DNAH9: variants seen among roughly 807,000 people sequenced by gnomAD.
DNAH9 encodes the protein dynein axonemal heavy chain 9.
Under a neutral mutation model 471.6 loss-of-function variants are expected in DNAH9, and 345 were observed. The observed-to-expected ratio is 0.73, with a 90% CI of 0.67 to 0.80. The LOEUF (loss-of-function observed/expected upper bound fraction) is 0.80. DNAH9 is among the 30% of genes least tolerant of loss of function. DNAH9 has a pLI of 0.00. For synonymous variants in DNAH9, 2,093 were observed against 2,123.6 expected (o/e 0.99, Z 0.40); for missense variants, 5,407 against 5,609.2 (o/e 0.96, Z 1.15).
intron 67 of DNAH9, among the ~76,000 whole-genome samples, chr17:11,945,733 T>C (rs368559761): frequency 6.7e-6 from 1 of 150,302 alleles, no homozygotes; most frequent in Non-Finnish European, 1.5e-5. Context: ...AAAGTGAGAA[T>C]TGCACTACTA....
rs897533129 is a variant in DNAH9 at position 11,822,866 on chromosome 17, C to A, written c.9078C>A (p.Ser3026=). Residue 3026 remains serine (S), a synonymous_variant, in exon 48 of 69, where the codon TCC becomes TCA. Coordinates refer to ENST00000262442, the MANE Select transcript of DNAH9 (RefSeq NM_001372.4). ...TCCACACAAGTGTCAACCAAACATC[C>A]CAGTCTTATCTGAGCAATGAACAGC... is the stretch of plus-strand genomic sequence containing the variant. The part of the protein sequence containing the change: ...AFVHTSVNQT[S]QSYLSNEQRY... The A allele has an allele frequency of 6.2e-7, 1 of 1,614,080 alleles. No individual in the cohort carries two copies. Among genetic ancestry groups the A allele is most frequent in the Admixed American group, 1.7e-5 (1 of 59,996 alleles).
intron 59 of DNAH9, among the ~76,000 whole-genome samples, chr17:11,899,542 C>T (rs544706550): frequency 2.0e-5 from 3 of 152,316 alleles, no homozygotes; most frequent in Admixed American, 6.5e-5. Flanking sequence ...CCCTTTGCCT[C>T]ATTTGGAAGA....
chr17:11,805,520 GTTCTTTTTTTTTTTT>G (rs1969634474), intron 43 of DNAH9, among the ~76,000 whole-genome samples: 1 of 67,986 alleles, frequency 1.5e-5, no homozygotes, highest in Non-Finnish European at 2.9e-5. Context: ...CTTTACCCGA[GTTCTTTTTTTTTTTT>G]TTTTTTTTTT....
chr17:11,648,563 G>A (rs901948241), intron 12 of DNAH9, among the ~76,000 whole-genome samples: 6 of 152,128 alleles, frequency 3.9e-5, no homozygotes, highest in Non-Finnish European at 8.8e-5. Flanking sequence ...ACTTGGTCAT[G>A]TATTGAAGAT....
intron 15 of DNAH9, among the ~76,000 whole-genome samples, chr17:11,668,664 C>CAAAAA (rs56347198): frequency 3.0e-5 from 3 of 100,534 alleles, no homozygotes; most frequent in East Asian, 3.4e-4. Flanking sequence ...GACTGCATCT[C>CAAAAA]AAAAAAAAAA....
intron 50 of DNAH9, 30 bp from the exon 51 acceptor site, chr17:11,869,104 C>G: frequency 6.2e-7 from 1 of 1,609,090 alleles, no homozygotes; most frequent in Non-Finnish European, 8.5e-7. Context: ...GCCGAAATGA[C>G]TGATGGTCCT....
intron 45 of DNAH9, among the ~76,000 whole-genome samples, chr17:11,815,728 G>A (rs1970074399): frequency 6.6e-6 from 1 of 152,168 alleles, no homozygotes; most frequent in South Asian, 2.1e-4. Flanking sequence ...GCTTGAGGCT[G>A]CAATGAGTTG....
chr17:11,702,124 GAGC>G (rs1299883709), intron 24 of DNAH9, among the ~76,000 whole-genome samples: 1 of 152,244 alleles, frequency 6.6e-6, no homozygotes, highest in African/African-American at 2.4e-5. Context: ...TGGGAGCAAA[GAGC>G]AACCAAGTAG....
In DNAH9 at chr17:11,632,661, T is replaced by C; in HGVS notation, c.1593T>C (p.Ile531=). 1 of 1,611,094 alleles carries C rather than the reference T, an allele frequency of 6.2e-7. No individual in the cohort carries two copies. ...ACCGAAGATTGGGGACTATCTTTAT[T>C]CAAGCTTTTGATGATGCACCTGGCT... ...DLDRRLGTIF[I]QAFDDAPGLE... The change falls in exon 8 of 69, where the codon ATT becomes ATC. Residue 531 remains isoleucine, a synonymous_variant. Coordinates refer to ENST00000262442, the MANE Select transcript of DNAH9 (RefSeq NM_001372.4).
chr17:11,772,844 CAT>C (rs1485694755), intron 38 of DNAH9, among the ~76,000 whole-genome samples: 2 of 152,198 alleles, frequency 1.3e-5, no homozygotes, highest in Non-Finnish European at 2.9e-5. Context: ...AGAGTAGCAG[CAT>C]ATATGTTACA....
At chr17:11,713,363 A>C (rs1313956568) in intron 26 of DNAH9, among the ~76,000 whole-genome samples, 3 of 152,140 alleles carry the variant, frequency 2.0e-5, no homozygotes, top group African/African-American at 7.2e-5. Context: ...CAATGAACAT[A>C]TGCATGCATG....
At chr17:11,826,729 T>A (rs1970509311) in intron 48 of DNAH9, among the ~76,000 whole-genome samples, 1 of 151,704 alleles carries the variant, frequency 6.6e-6, no homozygotes, top group East Asian at 1.9e-4. Context: ...CCCAAAGTGC[T>A]GGGATTACAA....
intron 19 of DNAH9, among the ~76,000 whole-genome samples, chr17:11,685,170 G>T (rs2074218266): frequency 6.6e-6 from 1 of 152,132 alleles, no homozygotes; most frequent in African/African-American, 2.4e-5. Context: ...CCCGCCCAGG[G>T]AGGCAGTTCA....
Position 11,757,505 on chromosome 17 carries a change from A to G in DNAH9, c.6848-40A>G, listed in dbSNP as rs752960634. ...CCTGGGGTGAAAAATATAATGATGTATATGGAATATTCACTAAACTGTATT... is the reference window on the plus strand; with the variant it reads ...CCTGGGGTGAAAAATATAATGATGTGTATGGAATATTCACTAAACTGTATT... On this transcript the variant is annotated intron_variant, in intron 34 of 68. Transcript: ENST00000262442. 14 of 1,552,628 alleles carry G rather than the reference A, an allele frequency of 9.0e-6. No individual in the cohort carries two copies. In the Admixed American group the frequency reaches 1.7e-4, roughly 19 times the overall value.
chr17:11,736,993 G>A (rs1597569865), intron 28 of DNAH9, among the ~76,000 whole-genome samples: 1 of 152,304 alleles, frequency 6.6e-6, no homozygotes. Context: ...ACCAGCCTTT[G>A]CCAGTCACGT....
chr17:11,843,710 G>A (rs1971105786), intron 49 of DNAH9, among the ~76,000 whole-genome samples: 1 of 150,660 alleles, frequency 6.6e-6, no homozygotes, highest in African/African-American at 2.4e-5. Context: ...AGTGTGCATT[G>A]TTTATTTTAA....
At chr17:11,918,180 T>G (rs3785939) in intron 61 of DNAH9, among the ~76,000 whole-genome samples, 38,631 of 151,840 alleles carry the variant, frequency 0.25, 5,326 homozygotes, top group East Asian at 0.47. Flanking sequence ...ACCCCATTCT[T>G]TTTTCTTGTA....
intron 43 of DNAH9, among the ~76,000 whole-genome samples, chr17:11,798,661 G>A (rs564056881): frequency 1.5e-4 from 23 of 151,898 alleles, no homozygotes; most frequent in Non-Finnish European, 2.2e-4. Flanking sequence ...AGCGCTCACT[G>A]CCCTCCAAAA....
In DNAH9 at chr17:11,617,395, C is replaced by T. The variant is rs753966275; in HGVS notation, c.905-16C>T. On this transcript the variant is annotated splice_polypyrimidine_tract_variant and intron_variant, in intron 4 of 68. Transcript: ENST00000262442. ...GGCTCCAGATGGGAATGCTGACCATCTCCAATTCCTTCCAGCTCTAGCAGA... is the reference window on the plus strand; with the variant it reads ...GGCTCCAGATGGGAATGCTGACCATTTCCAATTCCTTCCAGCTCTAGCAGA... The T allele has an allele frequency of 7.5e-6, 12 of 1,599,834 alleles. No individual in the cohort carries two copies. In the South Asian group the frequency reaches 1.3e-4, roughly 18 times the overall value.
Sources: gnomAD v4.1 joint callset for allele counts (sites outside exome capture counted in the v4.1 genomes callset) on GRCh38, gnomAD v4.1.1 for gene constraint, MANE v1.5 for transcripts, NCBI Gene and HGNC (gene_info 2026-07-23, HGNC 2026-07-21) for gene names.